NRK: variants seen among roughly 807,000 people sequenced by gnomAD.
The protein encoded by NRK is nik-related protein kinase.
NRK carries 67 observed loss-of-function variants against 125.2 expected under a neutral mutation model. The observed-to-expected ratio is 0.54, with a 90% CI of 0.44 to 0.66. The LOEUF is 0.66. Ranked by LOEUF, NRK falls within the 30% of genes least tolerant of loss-of-function variation. NRK has a pLI of 0.00. For synonymous variants in NRK, 458 were observed against 429.0 expected (o/e 1.07, Z -0.84); for missense variants, 1,224 against 1,192.9 (o/e 1.03, Z -0.38).
chrX:105,883,048 A>G (rs1009002537), intron 4 of NRK, among the ~76,000 whole-genome samples: 6 of 112,186 alleles, frequency 5.3e-5, no homozygotes, highest in African/African-American at 1.9e-4. Context: ...CAGGGTATTC[A>G]GGCCAGTCTG....
At chrX:105,946,043 A>G in intron 25 of NRK, 28 bp downstream of exon 25, 1 of 1,183,314 alleles carries the variant, frequency 8.5e-7, no homozygotes, top group Non-Finnish European at 1.1e-6. Context: ...AGCAAACAGA[A>G]TGCAGGGTCA....
At chrX:105,830,952 C>T in intron 1 of NRK, 102 bp from the exon 2 acceptor site, 2 of 513,143 alleles carry the variant, frequency 3.9e-6, no homozygotes, top group Non-Finnish European at 6.5e-6. Context: ...ACGTTGTGCA[C>T]ATGTACCCTA....
Position 105,906,571 on chromosome X carries a change from A to T in NRK, c.1003A>T (p.Lys335Ter). Residue 335 changes from lysine (K) to a stop codon, truncating the protein, a stop_gained, in exon 11 of 29, where the codon AAA becomes TAA. Transcript: ENST00000243300. LOFTEE classifies it high-confidence loss of function. ...AACAAGGCATCTTACTGGAATCATT[A>T]AAAAAAGACAGAAAAAAGGTAGAAT... ...SLTRHLTGIIKKRQKKGIPLI... is the reference protein window; with the variant it reads ...SLTRHLTGII 1 of 1,071,688 alleles carries T rather than the reference A, an allele frequency of 9.3e-7. No individual in the cohort carries two copies. The highest frequency in any genetic ancestry group is 1.2e-6 in the Non-Finnish European group (1 of 801,330). 88.3% of individuals were successfully genotyped at this position (1,071,688 alleles called of 1,213,427 possible).
At chrX:105,843,932 A>G (rs1330115742) in intron 2 of NRK, among the ~76,000 whole-genome samples, 2 of 108,166 alleles carry the variant, frequency 1.8e-5, no homozygotes. Context: ...TTGAAATGTT[A>G]AACTCTAAAA....
intron 27 of NRK, among the ~76,000 whole-genome samples, chrX:105,951,491 A>G (rs2040897925): frequency 8.9e-6 from 1 of 112,287 alleles, no homozygotes; most frequent in Admixed American, 9.5e-5. Flanking sequence ...TTTTGAGAGT[A>G]TGCTAAAGAC....
chrX:105,955,311 G>C (rs1334824277), intron 28 of NRK, among the ~76,000 whole-genome samples, 194 bp from the exon 29 acceptor site: 1 of 111,129 alleles, frequency 9.0e-6, no homozygotes, highest in Non-Finnish European at 1.9e-5. Flanking sequence ...ATAGTAAAAG[G>C]GTTGTTTTAA....
chrX:105,936,857 T>A (rs2040672020), intron 21 of NRK, among the ~76,000 whole-genome samples: 1 of 111,389 alleles, frequency 9.0e-6, no homozygotes, highest in Non-Finnish European at 1.9e-5. Flanking sequence ...AACGGTAAAT[T>A]TTTAATATAT....
At chrX:105,829,917 C>T (rs1391641237) in intron 1 of NRK, among the ~76,000 whole-genome samples, 1 of 110,436 alleles carries the variant, frequency 9.1e-6, no homozygotes, top group East Asian at 2.9e-4. Flanking sequence ...ACGGTTTTGC[C>T]ACTATTCTAA....
At chrX:105,935,011 G>A (rs762232576) in intron 20 of NRK, among the ~76,000 whole-genome samples, 159 bp from the exon 21 acceptor site, 4 of 110,758 alleles carry the variant, frequency 3.6e-5, no homozygotes, top group East Asian at 2.8e-4. Flanking sequence ...TCTCATTTGC[G>A]GAAACACTGT....
intron 2 of NRK, among the ~76,000 whole-genome samples, chrX:105,855,494 C>G (rs1244615092): frequency 9.0e-6 from 1 of 111,020 alleles, no homozygotes; most frequent in Non-Finnish European, 1.9e-5. Context: ...AAGCTTTATC[C>G]TTAGGGCCTC....
Position 105,893,900 on chromosome X carries a change from A to G in NRK, c.447A>G (p.Leu149=), listed in dbSNP as rs374232935. Reference sequence around the variant, plus strand: ...TGAGAATGACCAGTAATCAGAGTTTAAAAGAAGATTGGATTGCTTATATCT... The same window carrying G: ...TGAGAATGACCAGTAATCAGAGTTTGAAAGAAGATTGGATTGCTTATATCT... ...DVVRMTSNQS[L]KEDWIAYICR... The change falls in exon 6 of 29, where the codon TTA becomes TTG. Residue 149 remains leucine (L), a synonymous_variant. Coordinates refer to ENST00000243300, the MANE Select transcript of NRK (RefSeq NM_198465.4). 1.2e-4 allele frequency: 140 copies of G among 1,187,114 alleles called. 1 individual carries two copies. In the Middle Eastern group the frequency reaches 2.1e-3, roughly 18 times the overall value.
At chrX:105,850,720 C>T (rs2039461591) in intron 2 of NRK, among the ~76,000 whole-genome samples, 1 of 112,162 alleles carries the variant, frequency 8.9e-6, no homozygotes, top group African/African-American at 3.2e-5. Flanking sequence ...TAAAATGTAA[C>T]AGGAGTCACC....
chrX:105,910,932 G>A (rs1024123404), intron 13 of NRK, among the ~76,000 whole-genome samples: 9 of 111,610 alleles, frequency 8.1e-5, no homozygotes, highest in Non-Finnish European at 7.5e-5. Flanking sequence ...TGTTCAAGTT[G>A]TTATCTACAG....
At chrX:105,894,168 T>G (rs2040051443) in intron 6 of NRK, among the ~76,000 whole-genome samples, 1 of 111,949 alleles carries the variant, frequency 8.9e-6, no homozygotes, top group Non-Finnish European at 1.9e-5. Context: ...CTTTAATACC[T>G]CTGTCGGATT....
chrX:105,915,690 G>A, intron 14 of NRK, 40 bp from the exon 15 acceptor site: 1 of 757,372 alleles, frequency 1.3e-6, no homozygotes, highest in South Asian at 2.5e-5. Flanking sequence ...TACAATTTAT[G>A]ATCAAGAATT....
intron 4 of NRK, among the ~76,000 whole-genome samples, chrX:105,884,983 G>A (rs1025332973): frequency 9.0e-6 from 1 of 110,882 alleles, no homozygotes; most frequent in Non-Finnish European, 1.9e-5. Context: ...TAGAGATGGG[G>A]TTCCACCATT....
intron 16 of NRK, among the ~76,000 whole-genome samples, chrX:105,919,032 T>C (rs939955765): frequency 2.2e-5 from 2 of 91,328 alleles, no homozygotes; most frequent in Non-Finnish European, 4.3e-5. Flanking sequence ...AAAGCACAAG[T>C]ACAACAGTGT....
At chrX:105,880,837 C>A (rs1009275553) in intron 3 of NRK, among the ~76,000 whole-genome samples, 1 of 111,692 alleles carries the variant, frequency 9.0e-6, no homozygotes, top group African/African-American at 3.2e-5. Flanking sequence ...GCACTGATTT[C>A]TGTTCTTTTT....
At chrX:105,852,030 T>A (rs1480351735) in intron 2 of NRK, among the ~76,000 whole-genome samples, 1 of 111,798 alleles carries the variant, frequency 8.9e-6, no homozygotes, top group Non-Finnish European at 1.9e-5. Flanking sequence ...ACTGTTCGAG[T>A]TTATTTGGGA....
Sources: gnomAD v4.1 joint callset for allele counts (sites outside exome capture counted in the v4.1 genomes callset) on GRCh38, gnomAD v4.1.1 for gene constraint, MANE v1.5 for transcripts, NCBI Gene and HGNC (gene_info 2026-07-23, HGNC 2026-07-21) for gene names.